RABGAP1L: variants seen among roughly 807,000 people sequenced by gnomAD.
The protein encoded by RABGAP1L is RAB GTPase activating protein 1 like.
RABGAP1L carries 63 observed loss-of-function variants against 137.7 expected under a neutral mutation model. That is an observed-to-expected ratio of 0.46 (90% CI 0.37 to 0.56). The LOEUF (loss-of-function observed/expected upper bound fraction) is 0.56. RABGAP1L is among the 20% of genes least tolerant of loss of function. The probability of loss-of-function intolerance (pLI) is 0.00; values close to 1 mark genes in which losing one functional copy is unlikely to be tolerated. For synonymous variants in RABGAP1L, 431 were observed against 433.7 expected (o/e 0.99, Z 0.08); for missense variants, 1,095 against 1,244.0 (o/e 0.88, Z 1.80).
chr1:174,251,853 A>G (rs1043282656), intron 6 of RABGAP1L, among the ~76,000 whole-genome samples: 4 of 151,782 alleles, frequency 2.6e-5, no homozygotes, highest in African/African-American at 9.7e-5. Context: ...TCAAGTAAAC[A>G]TTATTCCTAA....
intron 13 of RABGAP1L, among the ~76,000 whole-genome samples, chr1:174,589,201 A>G (rs1669361758): frequency 1.3e-5 from 2 of 152,118 alleles, no homozygotes; most frequent in East Asian, 3.9e-4. Flanking sequence ...CCAGTGATTG[A>G]TGATGTTGAG....
chr1:174,816,141 A>G (rs1220910395), intron 19 of RABGAP1L, among the ~76,000 whole-genome samples: 1 of 142,112 alleles, frequency 7.0e-6, no homozygotes, highest in Non-Finnish European at 1.5e-5. Flanking sequence ...GTAACATAAT[A>G]CATAGCTTTT....
At chr1:174,447,992 A>C (rs1220501896) in intron 13 of RABGAP1L, 1 of 754,084 alleles carries the variant, frequency 1.3e-6, no homozygotes, top group Non-Finnish European at 2.2e-6. Flanking sequence ...CTGTGACAGA[A>C]GCACTGACAC....
intron 1 of RABGAP1L, among the ~76,000 whole-genome samples, chr1:174,173,276 G>A (rs528087350): frequency 3.3e-5 from 5 of 151,944 alleles, no homozygotes; most frequent in African/African-American, 9.7e-5. Context: ...GATTACAGGC[G>A]TGCACCACCA....
At chr1:174,301,766 C>CA (rs35967252) in intron 10 of RABGAP1L, among the ~76,000 whole-genome samples, 1 of 151,802 alleles carries the variant, frequency 6.6e-6, no homozygotes, top group Non-Finnish European at 1.5e-5. Context: ...TGTGAGTATG[C>CA]AAAAAGATTA....
Position 174,994,010 on chromosome 1 carries a change from A to C in RABGAP1L, c.*4009A>C, listed in dbSNP as rs1057223740. ...ATACACATTGAGATTTCAAGAAATGATGATGAAAGCCAGAAGGCCAGACCA... is the reference window on the plus strand; with the variant it reads ...ATACACATTGAGATTTCAAGAAATGCTGATGAAAGCCAGAAGGCCAGACCA... On this transcript the variant is annotated 3_prime_UTR_variant, in exon 26 of 26. Transcript: ENST00000681986. 6.6e-6 allele frequency: 1 copy of C among 152,236 alleles called. No homozygotes were observed. The highest frequency in any genetic ancestry group is 2.4e-5 in the African/African-American group (1 of 41,468). 9.4% of individuals were successfully genotyped at this position (152,236 alleles called of 1,614,324 possible).
chr1:174,326,252 C>A (rs576065478), intron 11 of RABGAP1L, among the ~76,000 whole-genome samples: 1 of 152,310 alleles, frequency 6.6e-6, no homozygotes, highest in South Asian at 2.1e-4. Context: ...GATGAATGAT[C>A]TGGTGGACAA....
intron 11 of RABGAP1L, among the ~76,000 whole-genome samples, chr1:174,349,864 C>T (rs1682925063): frequency 3.2e-5 from 2 of 62,756 alleles, no homozygotes; most frequent in African/African-American, 2.0e-4. Context: ...GGGGCGCTGA[C>T]CCCCCCACCT....
Position 174,891,552 on chromosome 1 carries a change from G to A in RABGAP1L, c.2341-65905G>A, listed in dbSNP as rs143612392. ...GGGTCTTACTCTGTTGCCCAGGCTC[G>A]TGTGCAGTGGTGATCAGATCATAGC... On this transcript the variant is annotated intron_variant, in intron 19 of 25. Transcript: ENST00000681986. Among the ~76,000 whole-genome samples, 560 of 152,204 alleles carry A rather than the reference G, an allele frequency of 3.7e-3. 4 individuals are homozygous for A. The highest frequency in any genetic ancestry group is 0.013 in the African/African-American group (533 of 41,530).
chr1:174,165,867 A>G (rs1664870527), intron 1 of RABGAP1L, among the ~76,000 whole-genome samples: 1 of 152,196 alleles, frequency 6.6e-6, no homozygotes, highest in African/African-American at 2.4e-5. Context: ...TATGAGAGAA[A>G]GGCCTTTCTG....
At chr1:174,723,553 T>C in intron 17 of RABGAP1L, among the ~76,000 whole-genome samples, 1 of 152,214 alleles carries the variant, frequency 6.6e-6, no homozygotes, top group East Asian at 1.9e-4. Flanking sequence ...TCACTGTTTA[T>C]ATAATAAATG....
At chr1:174,843,316 T>C (rs1369054407) in intron 19 of RABGAP1L, among the ~76,000 whole-genome samples, 9 of 150,428 alleles carry the variant, frequency 6.0e-5, no homozygotes, top group African/African-American at 1.5e-4. Context: ...CATGCTGGTG[T>C]GCTGCACCCA....
chr1:174,874,948 G>A (rs1652839266), intron 19 of RABGAP1L, among the ~76,000 whole-genome samples: 1 of 152,128 alleles, frequency 6.6e-6, no homozygotes, highest in Non-Finnish European at 1.5e-5. Flanking sequence ...GTGACAAAAG[G>A]TGAAGATTGC....
chr1:174,967,273 C>T (rs1342342855), intron 20 of RABGAP1L, among the ~76,000 whole-genome samples: 1 of 151,142 alleles, frequency 6.6e-6, no homozygotes, highest in Non-Finnish European at 1.5e-5. Flanking sequence ...AAGTGATTCT[C>T]CAACCTCAGC....
intron 10 of RABGAP1L, among the ~76,000 whole-genome samples, chr1:174,286,794 C>T (rs1161402885): frequency 6.6e-6 from 1 of 151,986 alleles, no homozygotes; most frequent in Non-Finnish European, 1.5e-5. Context: ...TTCCTTTTGA[C>T]CCATTGATTG....
At chr1:174,300,394 G>A (rs199500625) in intron 10 of RABGAP1L, among the ~76,000 whole-genome samples, 9 of 151,756 alleles carry the variant, frequency 5.9e-5, no homozygotes, top group South Asian at 4.2e-4. Context: ...TTGTGGTGGC[G>A]CATGCCTGTA....
At chr1:174,261,651 TG>T (rs1673589693) in intron 7 of RABGAP1L, among the ~76,000 whole-genome samples, 1 of 152,178 alleles carries the variant, frequency 6.6e-6, no homozygotes, top group Non-Finnish European at 1.5e-5. Flanking sequence ...GAATTTGAAT[TG>T]TTTATTATTT....
chr1:174,449,230 A>G, intron 13 of RABGAP1L: 4 of 1,516,728 alleles, frequency 2.6e-6, no homozygotes, highest in Non-Finnish European at 3.5e-6. Flanking sequence ...ATGTAATCTG[A>G]CAGTGGTTTT....
intron 11 of RABGAP1L, among the ~76,000 whole-genome samples, chr1:174,344,442 T>C (rs1190471886): frequency 6.6e-6 from 1 of 152,122 alleles, no homozygotes; most frequent in African/African-American, 2.4e-5. Flanking sequence ...TGTCTAGGAG[T>C]GCTTGTATAG....
Sources: gnomAD v4.1 joint callset for allele counts (sites outside exome capture counted in the v4.1 genomes callset) on GRCh38, gnomAD v4.1.1 for gene constraint, MANE v1.5 for transcripts, NCBI Gene and HGNC (gene_info 2026-07-23, HGNC 2026-07-21) for gene names.